The following ZNF723 variants were observed in gnomAD, a reference collection of about 807,000 sequenced individuals.
The protein encoded by ZNF723 is zinc finger protein 723.
Under a neutral mutation model 9.4 loss-of-function variants are expected in ZNF723, and 5 were observed. That is an observed-to-expected ratio of 0.53 (90% CI 0.28 to 1.12). ZNF723 has a LOEUF of 1.12. Ranked by LOEUF, ZNF723 falls within the 50% of genes most tolerant of loss-of-function variation. The probability of loss-of-function intolerance (pLI) is 0.10; values close to 1 mark genes in which losing one functional copy is unlikely to be tolerated. For synonymous variants in ZNF723, 158 were observed against 168.8 expected (o/e 0.94, Z 0.49); for missense variants, 450 against 501.5 (o/e 0.90, Z 0.98).
At chr19:22,827,985 C>A (rs1414217755), upstream of ZNF723, among the ~76,000 whole-genome samples, 1 of 152,024 alleles carries the variant, frequency 6.6e-6, no homozygotes, top group Non-Finnish European at 1.5e-5. Context: ...GAGGCTGAGG[C>A]AGGAGAATCA....
the ZNF723 span, among the ~76,000 whole-genome samples, chr19:22,825,493 A>G: frequency 6.6e-6 from 1 of 152,236 alleles, no homozygotes; most frequent in East Asian, 1.9e-4. Context: ...TGGTGTTGTG[A>G]CATGAATTGA....
the ZNF723 span, among the ~76,000 whole-genome samples, chr19:22,819,750 C>T: frequency 6.6e-6 from 1 of 152,214 alleles, no homozygotes. Flanking sequence ...TAACATATTG[C>T]TGAACCCACC....
intron 3 of ZNF723, among the ~76,000 whole-genome samples, chr19:22,852,363 CTG>C (rs1469319848): frequency 6.6e-6 from 1 of 152,030 alleles, no homozygotes; most frequent in Admixed American, 6.6e-5. Flanking sequence ...ATATTAAAGT[CTG>C]TACAATTTAA....
intron 1 of ZNF723, among the ~76,000 whole-genome samples, chr19:22,845,831 C>T (rs1391706986): frequency 1.3e-5 from 2 of 149,312 alleles, no homozygotes; most frequent in African/African-American, 2.5e-5. Flanking sequence ...CTAATTTGTC[C>T]AGAGAATCTC....
At chr19:22,846,142 A>C (rs930378889) in intron 1 of ZNF723, among the ~76,000 whole-genome samples, 22 of 151,916 alleles carry the variant, frequency 1.4e-4, no homozygotes, top group Non-Finnish European at 2.6e-4. Context: ...TCTCACCATT[A>C]ATTTATGATC....
rs1033795577 is a variant in ZNF723 at position 22,840,195 on chromosome 19, C to T, written c.3+7813C>T. 6.6e-5 allele frequency among the ~76,000 whole-genome samples: 10 copies of T among 151,222 alleles called. No homozygotes were observed. The South Asian group carries it at 8.3e-4, about 13-fold the overall frequency. On this transcript the variant is annotated intron_variant, in intron 1 of 3. Transcript: ENST00000600766. ...TTTTCTTTTTTCTTTTTTTTTGAGA[C>T]GGAGTTTCGCTCATTGCCCAGGCTG... is the stretch of plus-strand genomic sequence containing the variant.
intron 1 of ZNF723, among the ~76,000 whole-genome samples, chr19:22,844,240 T>C (rs1230612204): frequency 6.6e-6 from 1 of 152,232 alleles, no homozygotes; most frequent in Admixed American, 6.5e-5. Flanking sequence ...TAGCATCTTG[T>C]TTTCTATTCC....
At chr19:22,848,618 C>G (rs2145223204) in intron 2 of ZNF723, among the ~76,000 whole-genome samples, 1 of 152,238 alleles carries the variant, frequency 6.6e-6, no homozygotes, top group South Asian at 2.1e-4. Context: ...AGTTTTTACT[C>G]ACCATTAGCG....
intron 1 of ZNF723, among the ~76,000 whole-genome samples, chr19:22,845,063 G>A (rs1412251179): frequency 6.6e-6 from 1 of 152,192 alleles, no homozygotes; most frequent in East Asian, 1.9e-4. Context: ...AGGTTGCAGT[G>A]AGCCGATATC....
the ZNF723 span, among the ~76,000 whole-genome samples, chr19:22,818,675 C>T: frequency 6.6e-6 from 1 of 152,156 alleles, no homozygotes; most frequent in East Asian, 1.9e-4. Context: ...CTGCCCAGTA[C>T]CTGAGTGATT....
At chr19:22,820,467 A>G in the ZNF723 span, among the ~76,000 whole-genome samples, 3 of 151,998 alleles carry the variant, frequency 2.0e-5, no homozygotes, top group South Asian at 6.2e-4. Flanking sequence ...AGAGAATATT[A>G]TAATATATTC....
intron 1 of ZNF723, among the ~76,000 whole-genome samples, chr19:22,835,505 C>A (rs1462249211): frequency 1.3e-5 from 2 of 152,026 alleles, no homozygotes; most frequent in African/African-American, 4.8e-5. Context: ...GTTAAGAGTT[C>A]GCATTTACCG....
the ZNF723 span, among the ~76,000 whole-genome samples, chr19:22,820,689 A>G: frequency 6.6e-6 from 1 of 151,828 alleles, no homozygotes; most frequent in East Asian, 1.9e-4. Flanking sequence ...TCAAATTACC[A>G]CTCTCTTGCT....
chr19:22,815,270 C>A, the ZNF723 span, among the ~76,000 whole-genome samples: 1 of 152,126 alleles, frequency 6.6e-6, no homozygotes, highest in East Asian at 1.9e-4. Flanking sequence ...TAAAATATTT[C>A]TGTATCTGAC....
the ZNF723 span, among the ~76,000 whole-genome samples, chr19:22,820,361 G>C: frequency 6.6e-6 from 1 of 152,140 alleles, no homozygotes; most frequent in African/African-American, 2.4e-5. Flanking sequence ...CAAGTGATTT[G>C]ACTCTGCTGC....
chr19:22,851,103 C>G (rs986576871), intron 3 of ZNF723, among the ~76,000 whole-genome samples: 3 of 152,058 alleles, frequency 2.0e-5, no homozygotes, highest in African/African-American at 4.8e-5. Context: ...TATGCACCAT[C>G]ATTATAATAG....
the ZNF723 span, among the ~76,000 whole-genome samples, chr19:22,813,933 AC>A: frequency 1.3e-5 from 2 of 151,244 alleles, no homozygotes; most frequent in Non-Finnish European, 2.9e-5. Context: ...TACCTCAGCC[AC>A]CCGAGTAGCT....
At chr19:22,850,967 A>G (rs576873451) in intron 3 of ZNF723, among the ~76,000 whole-genome samples, 17 of 152,204 alleles carry the variant, frequency 1.1e-4, no homozygotes, top group Non-Finnish European at 1.5e-4. Context: ...AATTGAATAC[A>G]AAACCTATAT....
the ZNF723 span, among the ~76,000 whole-genome samples, chr19:22,820,724 A>C: frequency 0.34 from 50,968 of 151,802 alleles, 8,550 homozygotes; most frequent in African/African-American, 0.39. Flanking sequence ...GTTTGATGGG[A>C]CAGAAAGTGT....
Sources: gnomAD v4.1 joint callset for allele counts (sites outside exome capture counted in the v4.1 genomes callset) on GRCh38, gnomAD v4.1.1 for gene constraint, MANE v1.5 for transcripts, NCBI Gene and HGNC (gene_info 2026-07-23, HGNC 2026-07-21) for gene names.